KLHL1: variants seen among roughly 807,000 people sequenced by gnomAD.
The protein encoded by KLHL1 is kelch like family member 1, also known as kelch-like protein 1.
KLHL1 carries 47 observed loss-of-function variants against 77.7 expected under a neutral mutation model. That is an observed-to-expected ratio of 0.60 (90% CI 0.48 to 0.77). The LOEUF (loss-of-function observed/expected upper bound fraction) is 0.77, where lower values mean the gene tolerates loss of function less well. Among genes scored for constraint, KLHL1 ranks in the 30% least tolerant of loss-of-function variants. The probability of loss-of-function intolerance (pLI) is 0.00; values close to 1 mark genes in which losing one functional copy is unlikely to be tolerated. For missense variants in KLHL1, 925 were observed against 910.8 expected (o/e 1.02, Z -0.20); for synonymous variants, 360 against 325.2 (o/e 1.11, Z -1.15).
rs772586978 is a variant in KLHL1 at position 69,882,412 on chromosome 13, A to G, written c.1098T>C (p.Asp366=). The change falls in exon 5 of 11, where the codon GAT becomes GAC. Residue 366 remains aspartate, a synonymous_variant. Coordinates refer to ENST00000377844, the MANE Select transcript of KLHL1 (RefSeq NM_020866.3). Reference sequence around the variant, plus strand: ...TGGTTTCTTCATCAGGAACATTGACATCATCACTGGCCAGTAGTTTATGGA... The same window carrying G: ...TGGTTTCTTCATCAGGAACATTGACGTCATCACTGGCCAGTAGTTTATGGA... ...EELHKLLASD[D]VNVPDEETIF... 1 of 1,613,660 alleles carries G rather than the reference A, an allele frequency of 6.2e-7. No individual in the cohort carries two copies. The highest frequency in any genetic ancestry group is 1.1e-5 in the South Asian group (1 of 91,072).
At chr13:69,966,598 TTTC>T (rs1366693004) in intron 2 of KLHL1, among the ~76,000 whole-genome samples, 5 of 152,236 alleles carry the variant, frequency 3.3e-5, no homozygotes, top group East Asian at 1.9e-4. Flanking sequence ...GTATATTTCA[TTTC>T]TTTTCTTTTT....
chr13:70,072,166 G>A (rs1391311784), intron 1 of KLHL1, among the ~76,000 whole-genome samples: 1 of 152,028 alleles, frequency 6.6e-6, no homozygotes, highest in Non-Finnish European at 1.5e-5. Context: ...GAAATACTAT[G>A]CACAACTCTG....
chr13:69,887,967 T>A (rs578126006), intron 4 of KLHL1, among the ~76,000 whole-genome samples: 15 of 152,184 alleles, frequency 9.9e-5, no homozygotes, highest in Non-Finnish European at 2.1e-4. Flanking sequence ...TCAATTTCTG[T>A]CTTACTTATT....
At chr13:70,082,325 A>T (rs904055522) in intron 1 of KLHL1, among the ~76,000 whole-genome samples, 52 of 135,388 alleles carry the variant, frequency 3.8e-4, no homozygotes, top group African/African-American at 1.3e-3. Flanking sequence ...ACACACACAC[A>T]CACACACACA....
chr13:69,913,234 G>C (rs1028883864), intron 4 of KLHL1, among the ~76,000 whole-genome samples: 1 of 152,104 alleles, frequency 6.6e-6, no homozygotes, highest in Non-Finnish European at 1.5e-5. Context: ...TTACCCACCA[G>C]GGCTTAGGGC....
At chr13:69,708,756 A>G (rs1389898886) in intron 9 of KLHL1, among the ~76,000 whole-genome samples, 2 of 152,030 alleles carry the variant, frequency 1.3e-5, no homozygotes, top group East Asian at 3.9e-4. Flanking sequence ...CCTTTGGCCC[A>G]CAATTGCAGG....
intron 1 of KLHL1, among the ~76,000 whole-genome samples, chr13:70,100,082 T>C (rs965767758): frequency 6.6e-6 from 1 of 152,024 alleles, no homozygotes; most frequent in African/African-American, 2.4e-5. Flanking sequence ...CAAAAAAGCA[T>C]GCAAAGATTT....
chr13:70,057,569 G>A (rs923552786), intron 1 of KLHL1, among the ~76,000 whole-genome samples: 3 of 148,820 alleles, frequency 2.0e-5, no homozygotes, highest in African/African-American at 7.4e-5. Context: ...GAGGTCAGGA[G>A]ATCGAGACCA....
At chr13:69,981,982 C>T (rs1320831160) in intron 1 of KLHL1, among the ~76,000 whole-genome samples, 1 of 151,698 alleles carries the variant, frequency 6.6e-6, no homozygotes, top group Non-Finnish European at 1.5e-5. Context: ...TGAATAGTGA[C>T]ATAAAAAGTT....
intron 1 of KLHL1, among the ~76,000 whole-genome samples, chr13:70,078,749 G>A (rs1314901852): frequency 1.3e-5 from 2 of 152,112 alleles, no homozygotes; most frequent in African/African-American, 2.4e-5. Context: ...TGGCAAAAAT[G>A]TGGTTTTTAA....
chr13:69,841,192 C>T (rs1286512465), intron 5 of KLHL1, among the ~76,000 whole-genome samples: 1 of 151,476 alleles, frequency 6.6e-6, no homozygotes, highest in Non-Finnish European at 1.5e-5. Flanking sequence ...TCATATTCAA[C>T]ATAGTATTGG....
chr13:69,789,042 T>C (rs756746156), intron 7 of KLHL1, among the ~76,000 whole-genome samples: 1 of 64,502 alleles, frequency 1.6e-5, no homozygotes, highest in Non-Finnish European at 3.5e-5. Flanking sequence ...TATCTATCTA[T>C]CTATCTATCT....
intron 1 of KLHL1, 109 bp from the exon 2 acceptor site, chr13:69,975,911 A>ATATATCTG: frequency 9.4e-6 from 12 of 1,277,884 alleles, no homozygotes; most frequent in Non-Finnish European, 1.2e-5. Context: ...AAGAAAACTA[A>ATATATCTG]TATATCTGTG....
intron 2 of KLHL1, among the ~76,000 whole-genome samples, chr13:69,963,355 A>G (rs1484539672): frequency 6.6e-6 from 1 of 152,166 alleles, no homozygotes; most frequent in East Asian, 1.9e-4. Flanking sequence ...ATTATTTCAT[A>G]TCATTCATTA....
chr13:69,944,107 T>A (rs1390892655), intron 3 of KLHL1, among the ~76,000 whole-genome samples: 1 of 152,236 alleles, frequency 6.6e-6, no homozygotes, highest in Non-Finnish European at 1.5e-5. Context: ...AAGAGGATTC[T>A]CATCATTAAC....
intron 6 of KLHL1, among the ~76,000 whole-genome samples, chr13:69,826,715 T>G (rs2138088157): frequency 6.6e-6 from 1 of 152,272 alleles, no homozygotes; most frequent in East Asian, 1.9e-4. Flanking sequence ...AGTATCATGT[T>G]TTAAACCTTA....
At chr13:70,012,934 C>T (rs1465023072) in intron 1 of KLHL1, among the ~76,000 whole-genome samples, 1 of 151,656 alleles carries the variant, frequency 6.6e-6, no homozygotes, top group Non-Finnish European at 1.5e-5. Context: ...AAATATCAAA[C>T]TCTATAATAT....
intron 5 of KLHL1, among the ~76,000 whole-genome samples, chr13:69,852,158 G>A (rs899014838): frequency 2.6e-5 from 4 of 151,844 alleles, no homozygotes; most frequent in Admixed American, 6.6e-5. Context: ...ACTAGCTAAC[G>A]AGAAAAAGGT....
chr13:69,717,894 A>C (rs1872841718), intron 9 of KLHL1, among the ~76,000 whole-genome samples: 1 of 152,140 alleles, frequency 6.6e-6, no homozygotes, highest in Non-Finnish European at 1.5e-5. Context: ...CTTAAAGTGA[A>C]AATGCAGCGA....
Sources: gnomAD v4.1 joint callset for allele counts (sites outside exome capture counted in the v4.1 genomes callset) on GRCh38, gnomAD v4.1.1 for gene constraint, MANE v1.5 for transcripts, NCBI Gene and HGNC (gene_info 2026-07-23, HGNC 2026-07-21) for gene names.